Variants in PXDNL observed in about 807,000 individuals in gnomAD.
PXDNL encodes peroxidasin like, also known as probable oxidoreductase PXDNL.
Under a neutral mutation model 150.8 loss-of-function variants are expected in PXDNL, and 145 were observed. The ratio of observed to expected loss-of-function variants is 0.96; its 90% CI spans 0.84 to 1.10. PXDNL has a LOEUF of 1.10. Ranked by LOEUF, PXDNL falls within the 50% of genes least tolerant of loss-of-function variation. PXDNL has a pLI of 0.00. For missense variants in PXDNL, 2,087 were observed against 1,873.9 expected (o/e 1.11, Z -2.10); for synonymous variants, 757 against 725.7 (o/e 1.04, Z -0.69).
chr8:51,604,970 C>A (rs1813810542), intron 2 of PXDNL, among the ~76,000 whole-genome samples: 1 of 152,136 alleles, frequency 6.6e-6, no homozygotes, highest in African/African-American at 2.4e-5. Context: ...TTAGAAAATA[C>A]ACATTTGCCC....
At chr8:51,521,203 C>T (rs1309419306) in intron 4 of PXDNL, among the ~76,000 whole-genome samples, 1 of 152,022 alleles carries the variant, frequency 6.6e-6, no homozygotes, top group African/African-American at 2.4e-5. Flanking sequence ...GATTGCATCA[C>T]TGCACTGTAG....
At chr8:51,641,121 A>C (rs1276109871) in intron 2 of PXDNL, among the ~76,000 whole-genome samples, 1 of 151,518 alleles carries the variant, frequency 6.6e-6, no homozygotes, top group African/African-American at 2.4e-5. Context: ...TCCCTATTTA[A>C]TAAATGGTGC....
chr8:51,686,208 T>C (rs1407834982), intron 1 of PXDNL, among the ~76,000 whole-genome samples: 1 of 152,240 alleles, frequency 6.6e-6, no homozygotes, highest in African/African-American at 2.4e-5. Context: ...CACTATGAAG[T>C]TGTTTTTAAA....
At chr8:51,445,927 T>C (rs914006284) in intron 12 of PXDNL, among the ~76,000 whole-genome samples, 1 of 152,136 alleles carries the variant, frequency 6.6e-6, no homozygotes, top group Non-Finnish European at 1.5e-5. Context: ...TCGTTTGAGT[T>C]GCTATTTTCA....
intron 1 of PXDNL, among the ~76,000 whole-genome samples, chr8:51,735,235 C>T (rs1452233038): frequency 6.6e-6 from 1 of 152,008 alleles, no homozygotes; most frequent in Admixed American, 6.6e-5. Flanking sequence ...AATCCCAGCA[C>T]TTTGGGATGT....
chr8:51,540,438 T>C (rs754562887), intron 4 of PXDNL, among the ~76,000 whole-genome samples: 10 of 152,194 alleles, frequency 6.6e-5, no homozygotes, highest in Non-Finnish European at 1.5e-4. Context: ...GTTTTCGTTC[T>C]TATTCTGTTT....
intron 17 of PXDNL, among the ~76,000 whole-genome samples, chr8:51,377,617 C>T (rs1037007399): frequency 6.6e-6 from 1 of 152,220 alleles, no homozygotes; most frequent in Non-Finnish European, 1.5e-5. Context: ...GAGAGCAGCT[C>T]GCCGGCACCA....
intron 1 of PXDNL, among the ~76,000 whole-genome samples, chr8:51,692,595 G>A (rs6999693): frequency 0.75 from 113,906 of 152,120 alleles, 42,745 homozygotes; most frequent in East Asian, 0.82. Flanking sequence ...TTTCACTGGA[G>A]AATAACCCAA....
chr8:51,509,652 T>G (rs144929863), intron 4 of PXDNL, among the ~76,000 whole-genome samples: 301 of 151,672 alleles, frequency 2.0e-3, no homozygotes, highest in African/African-American at 6.8e-3. Flanking sequence ...TGACCCTTCC[T>G]TTTTCAAATT....
At position 51,487,016 on chromosome 8, in the gene PXDNL, A is replaced by G. The variant is rs373350064; in HGVS notation, c.453-3302T>C. On this transcript the variant is annotated intron_variant, in intron 5 of 22. Coordinates refer to ENST00000356297, the MANE Select transcript of PXDNL (RefSeq NM_144651.5). ...CACCATGTTGGCCAGAATGGCCTCC[A>G]TCTCTTGACCTCGTGATCGGCCCGC... 1.9e-3 allele frequency among the ~76,000 whole-genome samples: 284 copies of G among 151,562 alleles called. 10 individuals carry two copies. The East Asian group carries it at 0.047, about 25-fold the overall frequency.
intron 1 of PXDNL, among the ~76,000 whole-genome samples, chr8:51,696,760 T>TATCCACACACAC (rs1816145546): frequency 3.6e-3 from 10 of 2,748 alleles, no homozygotes; most frequent in African/African-American, 0.01. Context: ...CACCCACACA[T>TATCCACACACAC]AGGTCTTCAC....
intron 19 of PXDNL, among the ~76,000 whole-genome samples, chr8:51,352,934 G>C (rs1008035106): frequency 2.0e-5 from 3 of 152,104 alleles, no homozygotes; most frequent in African/African-American, 4.8e-5. Context: ...GGAATAACAT[G>C]CTGGAGACTC....
chr8:51,608,571 C>G (rs187839327), intron 2 of PXDNL, among the ~76,000 whole-genome samples: 1 of 148,030 alleles, frequency 6.8e-6, no homozygotes, highest in Non-Finnish European at 1.5e-5. Context: ...GGCGCGGTGG[C>G]TCACGCCTGT....
intron 1 of PXDNL, among the ~76,000 whole-genome samples, chr8:51,657,411 T>C (rs1425398396): frequency 6.6e-5 from 10 of 152,218 alleles, no homozygotes; most frequent in Non-Finnish European, 1.5e-4. Flanking sequence ...CTACATATTT[T>C]CTATGTTGTT....
Position 51,321,572 on chromosome 8 carries a change from A to C in PXDNL, c.4147-675T>G, listed in dbSNP as rs571667393. On this transcript the variant is annotated intron_variant, in intron 21 of 22. Transcript: ENST00000356297. Reference sequence around the variant, plus strand: ...CCCCCATGCTGTTCTCGGGGTAGTGAATTCTCATGAGATCTGATGGTTTAA... The same window carrying C: ...CCCCCATGCTGTTCTCGGGGTAGTGCATTCTCATGAGATCTGATGGTTTAA... 1.9e-3 allele frequency among the ~76,000 whole-genome samples: 296 copies of C among 151,940 alleles called. 1 individual carries two copies. Among genetic ancestry groups the C allele is most frequent in the African/African-American group, 6.8e-3 (282 of 41,442 alleles).
At chr8:51,327,405 T>C (rs1237428771) in intron 21 of PXDNL, among the ~76,000 whole-genome samples, 1 of 152,230 alleles carries the variant, frequency 6.6e-6, no homozygotes, top group East Asian at 1.9e-4. Flanking sequence ...CTGGGAGCTG[T>C]ACGGAAACAG....
At chr8:51,670,491 A>G (rs563875497) in intron 1 of PXDNL, among the ~76,000 whole-genome samples, 7 of 152,308 alleles carry the variant, frequency 4.6e-5, no homozygotes, top group African/African-American at 1.4e-4. Context: ...ATATTATTGT[A>G]CTGAATATTG....
intron 1 of PXDNL, among the ~76,000 whole-genome samples, chr8:51,772,440 G>A (rs1430082868): frequency 1.0e-3 from 158 of 152,108 alleles, no homozygotes; most frequent in Non-Finnish European, 4.4e-5. Flanking sequence ...GTGGGTGGGA[G>A]AGCCTGGAGC....
intron 4 of PXDNL, among the ~76,000 whole-genome samples, chr8:51,521,862 G>A (rs1268383653): frequency 6.6e-6 from 1 of 152,068 alleles, no homozygotes; most frequent in Non-Finnish European, 1.5e-5. Flanking sequence ...AAAACAGAGT[G>A]AATTATTTAA....
Sources: gnomAD v4.1 joint callset for allele counts (sites outside exome capture counted in the v4.1 genomes callset) on GRCh38, gnomAD v4.1.1 for gene constraint, MANE v1.5 for transcripts, NCBI Gene and HGNC (gene_info 2026-07-23, HGNC 2026-07-21) for gene names.